UBQLN1: variants seen among roughly 807,000 people sequenced by gnomAD.
The protein encoded by UBQLN1 is ubiquilin-1.
A neutral mutation model predicts 65.4 loss-of-function variants in UBQLN1; 13 were observed. That is an observed-to-expected ratio of 0.20 (90% CI 0.13 to 0.32). The LOEUF (loss-of-function observed/expected upper bound fraction) is 0.32. UBQLN1 is among the 10% of genes least tolerant of loss of function. UBQLN1 has a pLI of 1.00. For synonymous variants in UBQLN1, 267 were observed against 247.8 expected (o/e 1.08, Z -0.73); for missense variants, 561 against 724.0 (o/e 0.77, Z 2.58).
At position 83,669,171 on chromosome 9, in the gene UBQLN1, A is replaced by G; in HGVS notation, c.1248+14T>C. On this transcript the variant is annotated intron_variant, in intron 7 of 10. Transcript: ENST00000376395. ...CACACTGCACAGTCTTTTTCAATAC[A>G]ATTACAAACTCACCTGTGCAGCAAG... The G allele has an allele frequency of 1.3e-6, 2 of 1,597,642 alleles. No individual in the cohort carries two copies. The highest frequency in any genetic ancestry group is 1.1e-5 in the South Asian group (1 of 87,106).
intron 6 of UBQLN1, among the ~76,000 whole-genome samples, chr9:83,671,669 T>C (rs765173855): frequency 1.3e-5 from 2 of 152,090 alleles, no homozygotes; most frequent in Non-Finnish European, 2.9e-5. Flanking sequence ...AGGCTTTTTT[T>C]CTTTTTTTCT....
At chr9:83,664,081 G>A in intron 9 of UBQLN1, 38 bp from the exon 10 acceptor site, 1 of 1,578,146 alleles carries the variant, frequency 6.3e-7, no homozygotes, top group Non-Finnish European at 8.6e-7. Flanking sequence ...CTAAGGTCCT[G>A]CAAAACCAGA....
chr9:83,683,410 G>A (rs1468698921), intron 2 of UBQLN1, among the ~76,000 whole-genome samples: 1 of 87,454 alleles, frequency 1.1e-5, no homozygotes, highest in Non-Finnish European at 2.0e-5. Context: ...GCGAGACTCC[G>A]TCTCAAAAAA....
At chr9:83,668,574 C>T (rs1239127715) in intron 7 of UBQLN1, 2 of 985,308 alleles carry the variant, frequency 2.0e-6, no homozygotes, top group Non-Finnish European at 2.4e-6. Flanking sequence ...TAAAGCTTCC[C>T]AAGTGATCCT....
chr9:83,684,905 A>G (rs2131168074), intron 2 of UBQLN1, among the ~76,000 whole-genome samples: 1 of 151,860 alleles, frequency 6.6e-6, no homozygotes, highest in South Asian at 2.1e-4. Flanking sequence ...CTTTCCCTGA[A>G]TTTAGCTAAG....
chr9:83,693,149 A>G (rs183924512), intron 1 of UBQLN1, among the ~76,000 whole-genome samples: 18 of 152,336 alleles, frequency 1.2e-4, no homozygotes, highest in African/African-American at 3.4e-4. Context: ...CTCAACAACC[A>G]TAAGAATCAA....
rs1423839415 is a variant in UBQLN1 at position 83,697,245 on chromosome 9, G to T, written c.180+10255C>A. Among the ~76,000 whole-genome samples the T allele has an allele frequency of 8.5e-5, 12 of 140,700 alleles. No homozygotes were observed. The South Asian group carries it at 1.6e-3, about 19-fold the overall frequency. The allele number at this position is 140,700 out of a possible 152,430, so 92.3% of individuals were successfully genotyped here. On this transcript the variant is annotated intron_variant, in intron 1 of 10. Coordinates refer to ENST00000376395, the MANE Select transcript of UBQLN1 (RefSeq NM_013438.5). ...TTAATATGAGTCTCAGTATCTTCTG[G>T]TTTTTTTTTTTTTTTTTAAGACATA...
At position 83,682,987 on chromosome 9, in the gene UBQLN1, T is replaced by A; in HGVS notation, c.412A>T (p.Thr138Ser). The A allele has an allele frequency of 6.2e-7, 1 of 1,612,480 alleles. No individual in the cohort carries two copies. The highest frequency in any genetic ancestry group is 1.1e-5 in the South Asian group (1 of 90,962). ...TTSSTPNSNS[T>S]SGSATSNPFG... ...GGGTTGCTAGTAGCAGAACCAGATGTAGAGTTACTATTAGGAGTTGATGAT... is the reference window on the plus strand; with the variant it reads ...GGGTTGCTAGTAGCAGAACCAGATGAAGAGTTACTATTAGGAGTTGATGAT... The change falls in exon 3 of 11, where the codon ACA (threonine) becomes TCA (serine). Residue 138 changes from threonine to serine, a missense_variant. Transcript: ENST00000376395.
At chr9:83,666,486 T>C (rs1317286584) in intron 7 of UBQLN1, 53 bp from the exon 8 acceptor site, 4 of 1,549,862 alleles carry the variant, frequency 2.6e-6, no homozygotes, top group African/African-American at 1.4e-5. Context: ...AAACAAGTAA[T>C]GTACCTTGTT....
intron 6 of UBQLN1, among the ~76,000 whole-genome samples, chr9:83,670,899 C>T (rs1165199217): frequency 6.6e-6 from 1 of 152,184 alleles, no homozygotes; most frequent in East Asian, 1.9e-4. Flanking sequence ...AAAGCAACTC[C>T]TCATCTGTAC....
intron 9 of UBQLN1, 55 bp from the exon 10 acceptor site, chr9:83,664,098 T>G: frequency 6.4e-7 from 1 of 1,556,488 alleles, no homozygotes; most frequent in Non-Finnish European, 8.7e-7. Context: ...CAGAAGCCAG[T>G]CCGTAAATCA....
At chr9:83,681,630 T>C (rs962888753) in intron 3 of UBQLN1, among the ~76,000 whole-genome samples, 3 of 152,146 alleles carry the variant, frequency 2.0e-5, no homozygotes, top group African/African-American at 7.2e-5. Flanking sequence ...AGCACAAAAA[T>C]AAATGTATTA....
intron 1 of UBQLN1, among the ~76,000 whole-genome samples, chr9:83,691,671 A>T (rs1832131396): frequency 1.3e-5 from 2 of 152,190 alleles, no homozygotes; most frequent in Non-Finnish European, 2.9e-5. Context: ...CTTACAACAA[A>T]ACCTCAAGAA....
intron 6 of UBQLN1, among the ~76,000 whole-genome samples, chr9:83,673,355 A>T (rs59017415): frequency 1.3e-5 from 2 of 152,180 alleles, no homozygotes; most frequent in South Asian, 4.2e-4. Context: ...CCTGGCCAAC[A>T]TGGTGAAACA....
At chr9:83,682,923 C>G in intron 3 of UBQLN1, 28 bp downstream of exon 3, 1 of 1,342,676 alleles carries the variant, frequency 7.4e-7, no homozygotes, top group Non-Finnish European at 1.0e-6. Flanking sequence ...TTTTTCCCAT[C>G]CCTACTGGAA....
At chr9:83,687,712 CT>C (rs1431753674) in intron 1 of UBQLN1, among the ~76,000 whole-genome samples, 2 of 152,084 alleles carry the variant, frequency 1.3e-5, no homozygotes, top group Non-Finnish European at 2.9e-5. Flanking sequence ...ATGAAAGTTC[CT>C]AACACTCTAC....
At chr9:83,698,109 A>G (rs1832250449) in intron 1 of UBQLN1, among the ~76,000 whole-genome samples, 1 of 152,256 alleles carries the variant, frequency 6.6e-6, no homozygotes, top group Non-Finnish European at 1.5e-5. Flanking sequence ...TTAAAAAAAT[A>G]TAATGCATCA....
At chr9:83,672,975 T>C (rs1000896225) in intron 6 of UBQLN1, among the ~76,000 whole-genome samples, 2 of 152,266 alleles carry the variant, frequency 1.3e-5, no homozygotes, top group African/African-American at 4.8e-5. Context: ...TTCACACCTG[T>C]AATTCCAGCA....
At chr9:83,663,066 G>T (rs1048749549) in intron 10 of UBQLN1, among the ~76,000 whole-genome samples, 3 of 109,480 alleles carry the variant, frequency 2.7e-5, no homozygotes, top group African/African-American at 9.4e-5. Context: ...AAGGGAAAGG[G>T]AAAGAAAAAA....
Sources: allele counts gnomAD v4.1 joint callset (sites outside exome capture counted in the v4.1 genomes callset), GRCh38; gene constraint gnomAD v4.1.1; transcripts MANE v1.5; gene names NCBI Gene and HGNC (gene_info 2026-07-23, HGNC 2026-07-21).